The following FAM135B variants were observed in gnomAD, a reference collection of about 807,000 sequenced individuals.
FAM135B encodes the protein protein FAM135B.
FAM135B carries 43 observed loss-of-function variants against 127.7 expected under a neutral mutation model. The observed-to-expected ratio is 0.34, with a 90% CI of 0.26 to 0.43. The LOEUF (loss-of-function observed/expected upper bound fraction) is 0.43. Ranked by LOEUF, FAM135B falls within the 20% of genes least tolerant of loss-of-function variation. The pLI is 1.00. For missense variants in FAM135B, 1,558 were observed against 1,725.6 expected (o/e 0.90, Z 1.72); for synonymous variants, 670 against 665.1 (o/e 1.01, Z -0.11).
At chr8:138,163,159 G>A (rs1819556583) in intron 12 of FAM135B, among the ~76,000 whole-genome samples, 1 of 152,142 alleles carries the variant, frequency 6.6e-6, no homozygotes, top group Admixed American at 6.5e-5. Flanking sequence ...TTTATGGACT[G>A]ATCAATCCAC....
intron 1 of FAM135B, among the ~76,000 whole-genome samples, chr8:138,373,505 T>C (rs1008764052): frequency 6.6e-6 from 1 of 151,424 alleles, no homozygotes; most frequent in South Asian, 2.1e-4. Flanking sequence ...TTGTAGAGCA[T>C]ATGTGTTTGA....
In FAM135B at chr8:138,277,800, C is replaced by T. The variant is rs568634279; in HGVS notation, c.158-11958G>A. Among the ~76,000 whole-genome samples, 43 of 152,310 alleles carry T rather than the reference C, an allele frequency of 2.8e-4. 1 individual carries two copies. The highest frequency in any genetic ancestry group is 9.1e-4 in the African/African-American group (38 of 41,556). Reference sequence around the variant, plus strand: ...TATGCATTTACTGCTCAACAACACTCGGCAGGCAGAAGATGCTGTCCATCT... The same window carrying T: ...TATGCATTTACTGCTCAACAACACTTGGCAGGCAGAAGATGCTGTCCATCT... On this transcript the variant is annotated intron_variant, in intron 3 of 19. Coordinates refer to ENST00000395297, the MANE Select transcript of FAM135B (RefSeq NM_015912.4).
chr8:138,253,097 G>A (rs938357982), intron 5 of FAM135B, among the ~76,000 whole-genome samples: 2 of 152,062 alleles, frequency 1.3e-5, no homozygotes, highest in Non-Finnish European at 2.9e-5. Context: ...CACCTTGCCT[G>A]GCCAAGAAGG....
intron 2 of FAM135B, among the ~76,000 whole-genome samples, chr8:138,350,015 C>A (rs940870813): frequency 1.3e-5 from 2 of 152,134 alleles, no homozygotes; most frequent in African/African-American, 4.8e-5. Flanking sequence ...TATCGTTATT[C>A]TCCATGTTCA....
At position 138,426,022 on chromosome 8, in the gene FAM135B, T is replaced by TATAC. The variant is rs1454221053; in HGVS notation, c.-19-58021_-19-58020insGTAT. On this transcript the variant is annotated intron_variant, in intron 1 of 19. Coordinates refer to ENST00000395297, the MANE Select transcript of FAM135B (RefSeq NM_015912.4). ...ATATATATATATATATACACACACA[T>TATAC]ACATATACACACACACACACACACA... Among the ~76,000 whole-genome samples the TATAC allele has an allele frequency of 6.9e-3, 126 of 18,298 alleles. 1 individual carries two copies. The highest frequency in any genetic ancestry group is 0.026 in the East Asian group (24 of 932). The allele number at this position is 18,298 out of a possible 152,430, so 12.0% of individuals were successfully genotyped here. A position where few individuals can be genotyped will look rare whatever the true frequency, so the allele number is the denominator to read the frequency against.
chr8:138,236,803 C>T (rs1260209178), intron 7 of FAM135B, among the ~76,000 whole-genome samples: 1 of 152,064 alleles, frequency 6.6e-6, no homozygotes, highest in Admixed American at 6.6e-5. Context: ...TTAATTATTC[C>T]TTTGTTTCAT....
chr8:138,139,932 C>A (rs781638257), intron 17 of FAM135B, among the ~76,000 whole-genome samples: 1 of 152,122 alleles, frequency 6.6e-6, no homozygotes, highest in East Asian at 1.9e-4. Context: ...CTGACTGCTA[C>A]GTCAATGTGT....
chr8:138,348,006 A>G (rs1047114105), intron 2 of FAM135B, among the ~76,000 whole-genome samples: 6 of 151,140 alleles, frequency 4.0e-5, no homozygotes, highest in African/African-American at 7.3e-5. Flanking sequence ...TACTATGACT[A>G]TTTTTACTGT....
intron 14 of FAM135B, among the ~76,000 whole-genome samples, chr8:138,147,653 T>C (rs1203488261): frequency 3.3e-5 from 5 of 152,182 alleles, no homozygotes; most frequent in Admixed American, 6.5e-5. Flanking sequence ...ATGCTTGGTA[T>C]CGGTTGTGGT....
chr8:138,352,327 C>T (rs1305151374), intron 2 of FAM135B, among the ~76,000 whole-genome samples: 2 of 152,146 alleles, frequency 1.3e-5, no homozygotes, highest in Admixed American at 1.3e-4. Context: ...TCAGTTTGAT[C>T]ATTATACATT....
intron 7 of FAM135B, among the ~76,000 whole-genome samples, chr8:138,224,194 G>T (rs772087320): frequency 6.6e-6 from 1 of 152,066 alleles, no homozygotes; most frequent in African/African-American, 2.4e-5. Flanking sequence ...AGTTGAAAAA[G>T]ATAAAAATAA....
chr8:138,496,569 C>T, intron 1 of FAM135B, 102 bp downstream of exon 1: 1 of 152,354 alleles, frequency 6.6e-6, no homozygotes, highest in Non-Finnish European at 1.5e-5. Context: ...AATCGCTGTT[C>T]CGTGACAGAA....
chr8:138,452,287 AT>A, intron 1 of FAM135B, among the ~76,000 whole-genome samples: 1 of 151,802 alleles, frequency 6.6e-6, no homozygotes, highest in Admixed American at 6.6e-5. Flanking sequence ...CACCTGGCTA[AT>A]TTTTATAGTT....
intron 1 of FAM135B, among the ~76,000 whole-genome samples, chr8:138,473,702 G>T (rs544410749): frequency 6.6e-6 from 1 of 152,056 alleles, no homozygotes; most frequent in Non-Finnish European, 1.5e-5. Flanking sequence ...CTGGTAATTC[G>T]CTAAACAATC....
At chr8:138,476,037 G>T (rs1814412784) in intron 1 of FAM135B, among the ~76,000 whole-genome samples, 1 of 152,052 alleles carries the variant, frequency 6.6e-6, no homozygotes, top group Non-Finnish European at 1.5e-5. Flanking sequence ...GCACTGAAAA[G>T]AAATAAGCTA....
intron 5 of FAM135B, among the ~76,000 whole-genome samples, chr8:138,254,371 T>G (rs1034441892): frequency 3.9e-5 from 6 of 152,186 alleles, no homozygotes; most frequent in Non-Finnish European, 8.8e-5. Context: ...TGGAGGCTGA[T>G]TTCTAGGCTG....
At chr8:138,460,669 T>G (rs1837068914) in intron 1 of FAM135B, among the ~76,000 whole-genome samples, 1 of 151,978 alleles carries the variant, frequency 6.6e-6, no homozygotes, top group Admixed American at 6.6e-5. Flanking sequence ...TTTTGACTAA[T>G]GAAATAAAAG....
intron 7 of FAM135B, among the ~76,000 whole-genome samples, chr8:138,217,432 CTT>C (rs538347463): frequency 6.3e-4 from 82 of 129,236 alleles, no homozygotes; most frequent in African/African-American, 2.2e-3. Context: ...TGATATATTT[CTT>C]TTTTTTTTTT....
intron 2 of FAM135B, among the ~76,000 whole-genome samples, chr8:138,365,893 C>A (rs1189794389): frequency 6.6e-6 from 1 of 152,100 alleles, no homozygotes; most frequent in Non-Finnish European, 1.5e-5. Context: ...TTCTGCCATA[C>A]AGAAACAGCA....
Sources: gnomAD v4.1 joint callset for allele counts (sites outside exome capture counted in the v4.1 genomes callset) on GRCh38, gnomAD v4.1.1 for gene constraint, MANE v1.5 for transcripts, NCBI Gene and HGNC (gene_info 2026-07-23, HGNC 2026-07-21) for gene names.